The following PKN3 variants were observed in gnomAD, a reference collection of about 807,000 sequenced individuals.
PKN3 encodes the protein serine/threonine-protein kinase N3.
A neutral mutation model predicts 113.1 loss-of-function variants in PKN3; 91 were observed. The ratio of observed to expected loss-of-function variants is 0.80; its 90% CI spans 0.68 to 0.96. PKN3 has a LOEUF of 0.96. Ranked by LOEUF, PKN3 falls within the 40% of genes least tolerant of loss-of-function variation. PKN3 has a pLI of 0.00. For synonymous variants in PKN3, 467 were observed against 499.0 expected (o/e 0.94, Z 0.85); for missense variants, 1,052 against 1,202.2 (o/e 0.88, Z 1.85).
At chr9:128,711,933 G>A (rs1414256422) in intron 6 of PKN3, among the ~76,000 whole-genome samples, 2 of 139,160 alleles carry the variant, frequency 1.4e-5, no homozygotes, top group African/African-American at 5.4e-5. Context: ...TTTTTGAGCT[G>A]GAGTCTTGCT....
Position 128,715,226 on chromosome 9 carries a change from C to A in PKN3, c.1707C>A (p.His569Gln). Residue 569 changes from histidine to glutamine, a missense_variant, in exon 14 of 22, where the codon CAC becomes CAA. By Grantham distance (24) the His-to-Gln change is conservative (BLOSUM62 0). Around this residue, in one of 2 missense-constraint regions of PKN3, gnomAD observed 333 missense variants for 442.8 expected, o/e 0.75. Coordinates refer to ENST00000291906, the MANE Select transcript of PKN3 (RefSeq NM_013355.5). The surrounding 1 kb of genome is among the most constrained non-coding windows in gnomAD (Gnocchi z 4.1). ...FRCLAVLGRG[H>Q]FGKVLLVQFK... ...GCTTAGCTGTGCTGGGCCGGGGACA[C>A]TTTGGGAAGGTAGTGGGCTGAAGAG... The A allele has an allele frequency of 6.2e-7, 1 of 1,614,068 alleles. No homozygotes were observed. The highest frequency in any genetic ancestry group is 8.5e-7 in the Non-Finnish European group (1 of 1,179,996).
chr9:128,703,845 G>A (rs1861927406), intron 1 of PKN3: 2 of 985,478 alleles, frequency 2.0e-6, no homozygotes, highest in East Asian at 1.1e-4. Context: ...TGTTCCAGAC[G>A]TAGCTTGTAC....
rs1419753811 is a variant in PKN3 at position 128,705,357 on chromosome 9, A to G, written c.79A>G (p.Ile27Val). 6.3e-7 allele frequency: 1 copy of G among 1,589,850 alleles called. No individual in the cohort carries two copies. The highest frequency in any genetic ancestry group is 2.3e-5 in the East Asian group (1 of 43,678). The change falls in exon 2 of 22, where the codon ATC becomes GTC. Residue 27 changes from isoleucine (I) to valine (V), a missense_variant. Coordinates refer to ENST00000291906, the MANE Select transcript of PKN3 (RefSeq NM_013355.5). ...TGAGAAGGAGGTGATCCGCCGGGCCATCCAGAAAGAGCTGAAGATCAAGGA... is the reference window on the plus strand; with the variant it reads ...TGAGAAGGAGGTGATCCGCCGGGCCGTCCAGAAAGAGCTGAAGATCAAGGA... ...EDEKEVIRRA[I>V]QKELKIKEGV... is the part of the protein sequence containing the mutation.
intron 16 of PKN3, among the ~76,000 whole-genome samples, chr9:128,717,124 T>TTTTTTTTTTTTTTTTTTTTTC (rs1862366650): frequency 2.2e-5 from 2 of 89,198 alleles, no homozygotes; most frequent in South Asian, 8.7e-4. Flanking sequence ...TTTCTTTTTT[T>TTTTTTTTTTTTTTTTTTTTTC]TTTTTTTTTT....
rs1334839051 is a variant in PKN3 at position 128,715,521 on chromosome 9, C to T, written c.1808+61C>T. ...GGCCTGGGCTGTGGCATCCAGAGGG[C>T]AGTTGAAGGTTCCTGGGGCTTTGGA... On this transcript the variant is annotated intron_variant, in intron 15 of 21. Coordinates refer to ENST00000291906, the MANE Select transcript of PKN3 (RefSeq NM_013355.5). The surrounding 1 kb of genome is among the most constrained non-coding windows in gnomAD (Gnocchi z 4.1). The T allele has an allele frequency of 3.8e-6, 5 of 1,302,966 alleles. No individual in the cohort carries two copies. Among genetic ancestry groups the T allele is most frequent in the Non-Finnish European group, 5.5e-6 (5 of 902,432 alleles). 80.7% of individuals were successfully genotyped at this position (1,302,966 alleles called of 1,614,324 possible). A position where few individuals can be genotyped will look rare whatever the true frequency, so the allele number is the denominator to read the frequency against.
rs536307213 is a variant in PKN3, at chr9:128,718,672, C to T, written c.2125+47C>T. On this transcript the variant is annotated intron_variant, in intron 18 of 21. Coordinates refer to ENST00000291906, the MANE Select transcript of PKN3 (RefSeq NM_013355.5). Reference sequence around the variant, plus strand: ...CCATATCTCCAGCCTTGTTTACCCACCCTGGCCAATAGGATGATGGGCACA... The same window carrying T: ...CCATATCTCCAGCCTTGTTTACCCATCCTGGCCAATAGGATGATGGGCACA... 4.9e-5 allele frequency: 76 copies of T among 1,558,782 alleles called. 1 individual carries two copies. The South Asian group carries it at 8.3e-4, about 17-fold the overall frequency.
At position 128,714,268 on chromosome 9, in the gene PKN3, C is replaced by T. The variant is rs1293267530; in HGVS notation, c.1384C>T (p.Leu462=). The change falls in exon 11 of 22, where the codon CTG becomes TTG. Residue 462 remains leucine (L), a synonymous_variant. Transcript: ENST00000291906. ...AAWGRLVMNL[L]PPCSSPSTIS... ...CTGGGGGCGCCTCGTCATGAACCTG[C>T]TGCCCCCCTGCAGCTCCCCGAGCAC... is the stretch of plus-strand genomic sequence containing the variant. The T allele has an allele frequency of 1.9e-6, 3 of 1,613,790 alleles. No individual in the cohort carries two copies. Among genetic ancestry groups the T allele is most frequent in the East Asian group, 2.2e-5 (1 of 44,868 alleles).
In PKN3 at chr9:128,702,704, G is replaced by A. The variant is rs1861889335; in HGVS notation, c.-212G>A. 4.2e-6 allele frequency: 2 copies of A among 474,776 alleles called. No homozygotes were observed. The allele number at this position is 474,776 out of a possible 1,614,324, so 29.4% of individuals were successfully genotyped here. On this transcript the variant is annotated 5_prime_UTR_variant, in exon 1 of 22. Coordinates refer to ENST00000291906, the MANE Select transcript of PKN3 (RefSeq NM_013355.5). ...ATCCGAGGGAGGCGCTGGGGCGCGG[G>A]ACCTCGGGCGTGGGGTCCCGGGCGC... is the stretch of plus-strand genomic sequence containing the variant.
chr9:128,714,218 C>G lies in PKN3; in HGVS notation c.1334C>G (p.Ser445Trp). The G allele has an allele frequency of 6.2e-7, 1 of 1,613,996 alleles. No individual in the cohort carries two copies. The highest frequency in any genetic ancestry group is 8.5e-7 in the Non-Finnish European group (1 of 1,179,966). ...CCAGGCCAGGACTTCCTGAGGGCTT[C>G]GCAGATGAACCTCGGCATGGCGGCC... ...KRRGQDFLRA[S>W]QMNLGMAAWG... The change falls in exon 11 of 22, where the codon TCG becomes TGG. Residue 445 changes from serine to tryptophan, a missense_variant. Around this residue, in one of 2 missense-constraint regions of PKN3, gnomAD observed 719 missense variants for 759.4 expected, o/e 0.95. Transcript: ENST00000291906.
At chr9:128,703,624 A>C (rs1589473077) in intron 1 of PKN3, 2 of 985,326 alleles carry the variant, frequency 2.0e-6, no homozygotes, top group Non-Finnish European at 2.4e-6. Context: ...GGAGGGGGGC[A>C]TTTGCGGACA....
At chr9:128,711,963 G>C (rs1862193510) in intron 6 of PKN3, among the ~76,000 whole-genome samples, 1 of 151,530 alleles carries the variant, frequency 6.6e-6, no homozygotes, top group Admixed American at 6.6e-5. Context: ...AGGCTGGAGT[G>C]CAATGGCACA....
chr9:128,707,054 G>C (rs900319322), intron 5 of PKN3, 31 bp downstream of exon 5: 100 of 1,613,736 alleles, frequency 6.2e-5, no homozygotes, highest in Non-Finnish European at 8.5e-5. Context: ...CTCTCCTAAG[G>C]CTGGCTTGTT....
chr9:128,702,786 G>C lies in PKN3; in HGVS notation c.-130G>C. The C allele has an allele frequency of 1.4e-6, 1 of 700,474 alleles. No homozygotes were observed. The allele number at this position is 700,474 out of a possible 1,614,324, so 43.4% of individuals were successfully genotyped here. A position where few individuals can be genotyped will look rare whatever the true frequency, so the allele number is the denominator to read the frequency against. On this transcript the variant is annotated 5_prime_UTR_variant, in exon 1 of 22. Coordinates refer to ENST00000291906, the MANE Select transcript of PKN3 (RefSeq NM_013355.5). ...CCCGCGGGCCAGCGGGTCTCGGGAG[G>C]GGGCGCCCGATCCCGCGTCTCCGGC...
chr9:128,717,466 C>T (rs188776725), intron 16 of PKN3, among the ~76,000 whole-genome samples: 7 of 151,602 alleles, frequency 4.6e-5, no homozygotes, highest in Admixed American at 3.3e-4. Flanking sequence ...CATGATTGGC[C>T]GGGCACCTGT....
chr9:128,706,802 G>A lies in PKN3; in HGVS notation c.501G>A (p.Glu167=), dbSNP rs968302218. 2 of 1,610,674 alleles carry A rather than the reference G, an allele frequency of 1.2e-6. No homozygotes were observed. The highest frequency in any genetic ancestry group is 2.2e-5 in the East Asian group (1 of 44,790). Reference sequence around the variant, plus strand: ...TGCGGATGAAGATCAGCAGCCTGGAGGCCAGTGGGTCCCCGGAGCCAGGTG... The same window carrying A: ...TGCGGATGAAGATCAGCAGCCTGGAAGCCAGTGGGTCCCCGGAGCCAGGTG... ...ALLRMKISSL[E]ASGSPEPGPE... The change falls in exon 4 of 22, where the codon GAG becomes GAA. Residue 167 remains glutamate, a synonymous_variant. Transcript: ENST00000291906.
Position 128,705,344 on chromosome 9 carries a change from G to A in PKN3, c.66G>A (p.Val22=). The change falls in exon 2 of 22, where the codon GTG becomes GTA. Residue 22 remains valine (V), a synonymous_variant. Coordinates refer to ENST00000291906, the MANE Select transcript of PKN3 (RefSeq NM_013355.5). ...SQWPPEDEKE[V]IRRAIQKELK... ...GGCCCCCAGAGGATGAGAAGGAGGTGATCCGCCGGGCCATCCAGAAAGAGC... is the reference window on the plus strand; with the variant it reads ...GGCCCCCAGAGGATGAGAAGGAGGTAATCCGCCGGGCCATCCAGAAAGAGC... The A allele has an allele frequency of 1.9e-6, 3 of 1,575,892 alleles. No homozygotes were observed. Among genetic ancestry groups the A allele is most frequent in the Non-Finnish European group, 2.6e-6 (3 of 1,162,216 alleles).
At chr9:128,704,087 C>T (rs1261525544) in intron 1 of PKN3, 4 of 985,312 alleles carry the variant, frequency 4.1e-6, no homozygotes, top group Non-Finnish European at 4.8e-6. Context: ...TCTGGGGTTG[C>T]GGCCCCTTCC....
At chr9:128,710,343 C>T (rs1862141006) in intron 6 of PKN3, among the ~76,000 whole-genome samples, 1 of 151,902 alleles carries the variant, frequency 6.6e-6, no homozygotes, top group East Asian at 1.9e-4. Context: ...CACCGAGATA[C>T]AGTGAGAGCT....
intron 1 of PKN3, chr9:128,703,516 G>C (rs1861916834): frequency 1.0e-6 from 1 of 985,290 alleles, no homozygotes; most frequent in African/African-American, 1.7e-5. Flanking sequence ...TTTCCTGCCA[G>C]AGCTGGCAGT....
Sources: gnomAD v4.1 joint callset for allele counts (sites outside exome capture counted in the v4.1 genomes callset) on GRCh38, gnomAD v4.1.1 for gene constraint, gnomAD v4.1.1 regional missense constraint, Gnocchi (gnomAD v3.1) non-coding constraint, MANE v1.5 for transcripts, NCBI Gene and HGNC (gene_info 2026-07-23, HGNC 2026-07-21) for gene names.